Variants in IGF1R observed in about 807,000 individuals in gnomAD.
The protein encoded by IGF1R is insulin-like growth factor 1 receptor.
A neutral mutation model predicts 144.6 loss-of-function variants in IGF1R; 44 were observed. The observed-to-expected ratio is 0.30, with a 90% CI of 0.24 to 0.39. The LOEUF (loss-of-function observed/expected upper bound fraction) is 0.39, where lower values mean the gene tolerates loss of function less well. IGF1R is among the 10% of genes least tolerant of loss of function. The pLI is 1.00. For synonymous variants in IGF1R, 795 were observed against 722.8 expected (o/e 1.10, Z -1.60); for missense variants, 1,355 against 1,833.7 (o/e 0.74, Z 4.77).
intron 18 of IGF1R, 69 bp from the exon 19 acceptor site, chr15:98,942,854 G>A (rs1304217566): frequency 2.8e-5 from 44 of 1,599,184 alleles, no homozygotes; most frequent in Non-Finnish European, 3.7e-5. Context: ...AATGAGTGTA[G>A]GGTCCTCTGC....
intron 1 of IGF1R, among the ~76,000 whole-genome samples, chr15:98,676,474 C>T (rs2053049486): frequency 6.6e-6 from 1 of 152,026 alleles, no homozygotes; most frequent in African/African-American, 2.4e-5. Context: ...CACTGATTTG[C>T]CTTTTGTTTG....
chr15:98,774,777 ATGT>A (rs975315629), intron 2 of IGF1R, among the ~76,000 whole-genome samples: 3 of 152,124 alleles, frequency 2.0e-5, no homozygotes, highest in Non-Finnish European at 2.9e-5. Context: ...GCTGGCGGTG[ATGT>A]TGTACAACAG....
chr15:98,726,712 A>ATT (rs756622481), intron 2 of IGF1R, among the ~76,000 whole-genome samples: 1,164 of 92,994 alleles, frequency 0.013, 9 homozygotes, highest in Non-Finnish European at 0.018. Flanking sequence ...TACATTGATG[A>ATT]TTTTTTTTTT....
At chr15:98,832,864 A>T (rs866317626) in intron 2 of IGF1R, among the ~76,000 whole-genome samples, 1 of 152,358 alleles carries the variant, frequency 6.6e-6, no homozygotes, top group South Asian at 2.1e-4. Flanking sequence ...TTGTGAAACC[A>T]ATTTTTTTAT....
At chr15:98,916,926 G>T (rs372194689) in intron 10 of IGF1R, 50 bp downstream of exon 10, 1 of 1,517,912 alleles carries the variant, frequency 6.6e-7, no homozygotes. Flanking sequence ...TGCTCAGGCC[G>T]GTTCTGTTGC....
intron 19 of IGF1R, among the ~76,000 whole-genome samples, chr15:98,947,203 G>A (rs1331055970): frequency 6.6e-6 from 1 of 152,216 alleles, no homozygotes; most frequent in Non-Finnish European, 1.5e-5. Flanking sequence ...AATTAAAAAG[G>A]ACCTTGGGTT....
intron 1 of IGF1R, chr15:98,660,789 T>C (rs1317086391): frequency 6.6e-6 from 1 of 152,210 alleles, no homozygotes; most frequent in Non-Finnish European, 1.5e-5. Context: ...ATGGAGACTT[T>C]GTTCCATAAG....
rs192494477 is a variant in IGF1R, at chr15:98,832,844, T to C, written c.641-58481T>C. On this transcript the variant is annotated intron_variant, in intron 2 of 20. Coordinates refer to ENST00000650285, the MANE Select transcript of IGF1R (RefSeq NM_000875.5). ...ATTTCTGGCACATTTACCTGGTCTC[T>C]GTTACAGGTTTGTGAAACCAATTTT... Among the ~76,000 whole-genome samples the C allele has an allele frequency of 3.8e-3, 579 of 152,372 alleles. 3 individuals carry two copies. Among genetic ancestry groups the C allele is most frequent in the African/African-American group, 0.013 (538 of 41,592 alleles).
chr15:98,926,126 A>G (rs2015708194), intron 13 of IGF1R, among the ~76,000 whole-genome samples: 1 of 152,176 alleles, frequency 6.6e-6, no homozygotes, highest in Admixed American at 6.5e-5. Context: ...ATTATAGAAT[A>G]CTATTCTACC....
chr15:98,930,197 G>A (rs2015884932), intron 14 of IGF1R, 38 bp from the exon 15 acceptor site: 2 of 1,388,730 alleles, frequency 1.4e-6, no homozygotes, highest in African/African-American at 1.4e-5. Flanking sequence ...ATGTATGGAG[G>A]TGGGGTTTTG....
Position 98,649,457 on chromosome 15 carries a change from T to A in IGF1R, c.-125T>A. On this transcript the variant is annotated 5_prime_UTR_variant, in exon 1 of 21. Coordinates refer to ENST00000650285, the MANE Select transcript of IGF1R (RefSeq NM_000875.5). ...GGAGTATTGTTTCCTTCGCCCTTGT[T>A]TTTGGAGGGGGAGCGAAGACTGAGT... 1 of 682,888 alleles carries A rather than the reference T, an allele frequency of 1.5e-6. No individual in the cohort carries two copies. Among genetic ancestry groups the A allele is most frequent in the Non-Finnish European group, 2.4e-6 (1 of 410,824 alleles). The allele number at this position is 682,888 out of a possible 1,614,324, so 42.3% of individuals were successfully genotyped here.
At chr15:98,686,031 C>T (rs188379945) in intron 1 of IGF1R, among the ~76,000 whole-genome samples, 57 of 152,352 alleles carry the variant, frequency 3.7e-4, no homozygotes, top group Non-Finnish European at 4.0e-4. Flanking sequence ...GTCCATCAAA[C>T]AACTCCCCAT....
chr15:98,831,302 TTTC>T (rs2141502375), intron 2 of IGF1R, among the ~76,000 whole-genome samples: 1 of 152,372 alleles, frequency 6.6e-6, no homozygotes, highest in African/African-American at 2.4e-5. Flanking sequence ...CCATTTTCAC[TTTC>T]TCTCCACCAG....
chr15:98,690,772 C>T (rs1567077835), intron 1 of IGF1R, among the ~76,000 whole-genome samples: 1 of 152,192 alleles, frequency 6.6e-6, no homozygotes. Flanking sequence ...AGCATGTCTC[C>T]TTCCAGGCAT....
intron 1 of IGF1R, among the ~76,000 whole-genome samples, chr15:98,668,703 ACT>A (rs2052806558): frequency 2.0e-5 from 3 of 151,950 alleles, no homozygotes; most frequent in Admixed American, 2.0e-4. Flanking sequence ...CTCTCTGAAA[ACT>A]CTGTTCCATG....
intron 19 of IGF1R, 92 bp downstream of exon 19, chr15:98,943,144 C>A: frequency 6.9e-7 from 1 of 1,439,158 alleles, no homozygotes; most frequent in Non-Finnish European, 9.8e-7. Flanking sequence ...TTTCTCTGTT[C>A]ATTGTTACCC....
intron 2 of IGF1R, among the ~76,000 whole-genome samples, chr15:98,850,742 TGGTG>T (rs1400711054): frequency 6.7e-6 from 1 of 150,066 alleles, no homozygotes; most frequent in Non-Finnish European, 1.5e-5. Flanking sequence ...GCTTGGCACT[TGGTG>T]GGGGGGGGTA....
intron 2 of IGF1R, among the ~76,000 whole-genome samples, chr15:98,873,434 G>T (rs1432166854): frequency 1.3e-5 from 2 of 152,134 alleles, no homozygotes; most frequent in African/African-American, 4.8e-5. Context: ...CTTTCTCTAG[G>T]TAGCTTGAGT....
At chr15:98,813,067 T>C (rs2056625614) in intron 2 of IGF1R, among the ~76,000 whole-genome samples, 1 of 152,226 alleles carries the variant, frequency 6.6e-6, no homozygotes, top group African/African-American at 2.4e-5. Context: ...GCTTACTTCC[T>C]GGGGCCTTGG....
Sources: allele counts gnomAD v4.1 joint callset (sites outside exome capture counted in the v4.1 genomes callset), GRCh38; gene constraint gnomAD v4.1.1; transcripts MANE v1.5; gene names NCBI Gene and HGNC (gene_info 2026-07-23, HGNC 2026-07-21).